The following FBLN2 variants were observed in gnomAD, a reference collection of about 807,000 sequenced individuals.
FBLN2 encodes the protein fibulin-2.
FBLN2 carries 81 observed loss-of-function variants against 123.7 expected under a neutral mutation model. The observed-to-expected ratio is 0.65, with a 90% CI of 0.55 to 0.79. The LOEUF (loss-of-function observed/expected upper bound fraction) is 0.79. Among genes scored for constraint, FBLN2 ranks in the 30% least tolerant of loss-of-function variants. The pLI is 0.00. For synonymous variants in FBLN2, 699 were observed against 701.4 expected, an observed-to-expected ratio of 1.00 and a Z score of 0.05; for missense variants, 1,603 against 1,681.3, an observed-to-expected ratio of 0.95 and a Z score of 0.81.
At chr3:13,593,762 G>A (rs1325670524) in intron 2 of FBLN2, among the ~76,000 whole-genome samples, 4 of 151,738 alleles carry the variant, frequency 2.6e-5, no homozygotes, top group Non-Finnish European at 5.9e-5. Flanking sequence ...AGCCTGCAGG[G>A]TTGTGGGGAG....
intron 10 of FBLN2, 59 bp downstream of exon 10, chr3:13,626,638 C>A: frequency 6.8e-7 from 1 of 1,480,836 alleles, no homozygotes; most frequent in East Asian, 2.5e-5. Context: ...TTTTGCCCCG[C>A]CCCTCCCTGG....
intron 2 of FBLN2, among the ~76,000 whole-genome samples, chr3:13,577,049 C>G (rs929758608): frequency 1.6e-4 from 25 of 151,814 alleles, no homozygotes; most frequent in African/African-American, 5.8e-4. Context: ...TGGTGAAACC[C>G]CTGTCTCTAC....
intron 5 of FBLN2, among the ~76,000 whole-genome samples, chr3:13,615,016 CCATCCATG>C (rs2124888488): frequency 6.9e-6 from 1 of 145,956 alleles, no homozygotes; most frequent in South Asian, 2.1e-4. Context: ...ATCCATCCAT[CCATCCATG>C]CATCCATCCT....
At chr3:13,594,148 C>T (rs1704765946) in intron 2 of FBLN2, among the ~76,000 whole-genome samples, 1 of 152,130 alleles carries the variant, frequency 6.6e-6, no homozygotes, top group African/African-American at 2.4e-5. Flanking sequence ...TTTCTGGAGA[C>T]TTTTGGAAAG....
chr3:13,563,526 C>T (rs1286628010), intron 1 of FBLN2, among the ~76,000 whole-genome samples: 1 of 152,092 alleles, frequency 6.6e-6, no homozygotes, highest in East Asian at 1.9e-4. Context: ...CAGTCTTGCC[C>T]AGCTCCCCCT....
chr3:13,618,166 A>T lies in FBLN2; in HGVS notation c.1820A>T (p.Glu607Val). The change falls in exon 6 of 18, where the codon GAG becomes GTG. Residue 607 changes from glutamate (E) to valine (V), a missense_variant. Physicochemically the swap from Glu to Val is moderately radical, Grantham distance 121 (BLOSUM62 -2). Transcript: ENST00000404922. ...AGCCTGCCGGGCGATGACCAGGATG[A>T]GTGCCTTCTCCTCCCGGGAGAGCTG... is the stretch of plus-strand genomic sequence containing the variant. ...PNSLPGDDQD[E>V]CLLLPGELCQ... 6.2e-7 allele frequency: 1 copy of T among 1,613,778 alleles called. No individual in the cohort carries two copies.
At chr3:13,563,854 C>A (rs1468214155) in intron 1 of FBLN2, among the ~76,000 whole-genome samples, 1 of 152,170 alleles carries the variant, frequency 6.6e-6, no homozygotes, top group African/African-American at 2.4e-5. Flanking sequence ...GGAGGCGACC[C>A]TGGGGCGGGG....
At chr3:13,580,892 C>G (rs1369768667) in intron 2 of FBLN2, among the ~76,000 whole-genome samples, 2 of 152,192 alleles carry the variant, frequency 1.3e-5, no homozygotes, top group Non-Finnish European at 2.9e-5. Context: ...CCTGGCCAGG[C>G]GTGGCTGACA....
chr3:13,580,383 C>G (rs545559808), intron 2 of FBLN2, among the ~76,000 whole-genome samples: 2 of 152,264 alleles, frequency 1.3e-5, no homozygotes, highest in Admixed American at 1.3e-4. Context: ...ATTCATGCGA[C>G]AAATATTTAT....
intron 2 of FBLN2, among the ~76,000 whole-genome samples, chr3:13,588,090 G>C (rs1380269875): frequency 6.6e-6 from 1 of 152,178 alleles, no homozygotes; most frequent in Non-Finnish European, 1.5e-5. Context: ...CAGATTTTCT[G>C]GGCCTGCAGG....
rs1226805801 is a variant in FBLN2, at chr3:13,570,418, C to T, written c.63C>T (p.Gly21=). The T allele has an allele frequency of 3.2e-6, 5 of 1,575,758 alleles. No individual in the cohort carries two copies. The East Asian group carries it at 9.3e-5, about 29-fold the overall frequency. ...WLALGLALAL[G]PSVAAAAPRQ... Reference sequence around the variant, plus strand: ...CTCTGGGCCTGGCCCTGGCCCTGGGCCCCAGCGTGGCCGCAGCTGCCCCTC... The same window carrying T: ...CTCTGGGCCTGGCCCTGGCCCTGGGTCCCAGCGTGGCCGCAGCTGCCCCTC... The change falls in exon 2 of 18, where the codon GGC becomes GGT. Residue 21 remains glycine, a synonymous_variant. Coordinates refer to ENST00000404922, the MANE Select transcript of FBLN2 (RefSeq NM_001004019.2).
intron 2 of FBLN2, among the ~76,000 whole-genome samples, chr3:13,584,435 A>G (rs1342307093): frequency 6.6e-6 from 1 of 152,162 alleles, no homozygotes; most frequent in Non-Finnish European, 1.5e-5. Flanking sequence ...CAGCTGAGTC[A>G]GAGCTGGTGG....
chr3:13,560,796 T>C (rs1317682791), intron 1 of FBLN2, among the ~76,000 whole-genome samples: 1 of 152,158 alleles, frequency 6.6e-6, no homozygotes, highest in Admixed American at 6.5e-5. Flanking sequence ...TTTTTTATTT[T>C]CTTTAAAAAG....
chr3:13,571,208 G>C lies in FBLN2; in HGVS notation c.853G>C (p.Glu285Gln), dbSNP rs1404687707. Residue 285 changes from glutamate (E) to glutamine (Q), a missense_variant, in exon 2 of 18, where the codon GAG (glutamate) becomes CAG (glutamine). Physicochemically the swap from Glu to Gln is conservative, Grantham distance 29. Transcript: ENST00000404922. The stretch of plus-strand genomic sequence containing the variant: ...CAGTGAGGAGGAAGAAGAGGAGGAG[G>C]AGGAGAGAGAGGAAATGGCTGTCAC... ...EDSEEEEEEE[E>Q]EREEMAVTEQ... 1 of 1,569,684 alleles carries C rather than the reference G, an allele frequency of 6.4e-7. No individual in the cohort carries two copies. Among genetic ancestry groups the C allele is most frequent in the East Asian group, 2.4e-5 (1 of 42,530 alleles).
intron 9 of FBLN2, among the ~76,000 whole-genome samples, chr3:13,622,541 G>A (rs1268293447): frequency 6.6e-6 from 1 of 152,158 alleles, no homozygotes; most frequent in Non-Finnish European, 1.5e-5. Flanking sequence ...CTTGAGCAGC[G>A]GAGCTCTCCT....
chr3:13,555,086 G>A (rs561656605), intron 1 of FBLN2, among the ~76,000 whole-genome samples: 1 of 151,920 alleles, frequency 6.6e-6, no homozygotes, highest in East Asian at 1.9e-4. Context: ...CCGAGTAGCT[G>A]GGACTACAGG....
In FBLN2 at chr3:13,569,213, C is replaced by G. The variant is rs115119064; in HGVS notation, c.-41-1102C>G. 5.5e-3 allele frequency: 1,225 copies of G among 223,682 alleles called. 6 individuals carry two copies. Among genetic ancestry groups the G allele is most frequent in the Middle Eastern group, 0.018 (8 of 442 alleles). The allele number at this position is 223,682 out of a possible 1,614,324, so 13.9% of individuals were successfully genotyped here. A position where few individuals can be genotyped will look rare whatever the true frequency, so the allele number is the denominator to read the frequency against. The stretch of plus-strand genomic sequence containing the variant: ...GTGCAAGATGAGAGGGGAGAAGAGC[C>G]CTTGGGGGAGTTCAGGCCTAAGGGC... On this transcript the variant is annotated intron_variant, in intron 1 of 17. Coordinates refer to ENST00000404922, the MANE Select transcript of FBLN2 (RefSeq NM_001004019.2).
chr3:13,568,989 G>A, intron 1 of FBLN2: 1 of 985,746 alleles, frequency 1.0e-6, no homozygotes, highest in African/African-American at 1.7e-5. Flanking sequence ...CTGTCCCTCT[G>A]TCACTGCCCT....
intron 2 of FBLN2, among the ~76,000 whole-genome samples, chr3:13,576,727 C>CT (rs974503457): frequency 1.3e-5 from 2 of 151,908 alleles, no homozygotes; most frequent in South Asian, 2.1e-4. Flanking sequence ...GGATCCCCCC[C>CT]CCCCGGGTTC....
Sources: allele counts gnomAD v4.1 joint callset (sites outside exome capture counted in the v4.1 genomes callset), GRCh38; gene constraint gnomAD v4.1.1; transcripts MANE v1.5; gene names NCBI Gene and HGNC (gene_info 2026-07-23, HGNC 2026-07-21).